The following RIMS1 variants were observed in gnomAD, a reference collection of about 807,000 sequenced individuals.
The protein encoded by RIMS1 is regulating synaptic membrane exocytosis 1.
A neutral mutation model predicts 214.1 loss-of-function variants in RIMS1; 83 were observed. That is an observed-to-expected ratio of 0.39 (90% confidence interval 0.32 to 0.47). The LOEUF (loss-of-function observed/expected upper bound fraction) is 0.47. RIMS1 is among the 20% of genes least tolerant of loss of function. The pLI, the probability that RIMS1 is intolerant of heterozygous loss-of-function variation, is 0.99. For missense variants in RIMS1, 2,050 were observed against 2,161.8 expected, an observed-to-expected ratio of 0.95 and a Z score of 1.03; for synonymous variants, 793 against 786.8, an observed-to-expected ratio of 1.01 and a Z score of -0.13.
intron 2 of RIMS1, among the ~76,000 whole-genome samples, chr6:72,051,236 G>A (rs1824567568): frequency 6.6e-6 from 1 of 152,054 alleles, no homozygotes; most frequent in South Asian, 2.1e-4. Context: ...ACTTGGCCCT[G>A]GAAATTTTAG....
chr6:72,105,879 A>T (rs2034639684), intron 4 of RIMS1, among the ~76,000 whole-genome samples: 2 of 152,176 alleles, frequency 1.3e-5, no homozygotes, highest in Admixed American at 1.3e-4. Context: ...CCTCAGGTCT[A>T]CTAGACTATG....
At chr6:72,147,256 T>G (rs2042881545) in intron 4 of RIMS1, among the ~76,000 whole-genome samples, 1 of 152,198 alleles carries the variant, frequency 6.6e-6, no homozygotes, top group Admixed American at 6.5e-5. Context: ...TAATTAGAGC[T>G]CTTCTAAATA....
chr6:72,312,154 G>C (rs903924168), intron 27 of RIMS1, among the ~76,000 whole-genome samples: 1 of 152,136 alleles, frequency 6.6e-6, no homozygotes, highest in Non-Finnish European at 1.5e-5. Flanking sequence ...TAGCAAGACA[G>C]TTCAAATTCA....
At chr6:72,069,087 G>C (rs1269601086) in intron 2 of RIMS1, among the ~76,000 whole-genome samples, 2 of 152,136 alleles carry the variant, frequency 1.3e-5, no homozygotes, top group Non-Finnish European at 2.9e-5. Context: ...GTACAGTGGA[G>C]GCTAACAATG....
At chr6:71,962,997 A>C (rs1355010273) in intron 1 of RIMS1, among the ~76,000 whole-genome samples, 1 of 152,134 alleles carries the variant, frequency 6.6e-6, no homozygotes, top group Non-Finnish European at 1.5e-5. Context: ...CTTTTATGTA[A>C]TATTTCGTGA....
Position 72,313,622 on chromosome 6 carries a change from C to T in RIMS1, c.4080C>T (p.Ser1360=), listed in dbSNP as rs779578670. ...GAACCAGCAGTGCCTCACGCCTCAG[C>T]AGCACAAGCTTTATGTCAGAGCAAT... ...ISRTSSASRL[S]STSFMSEQSE... The change falls in exon 28 of 34, where the codon AGC becomes AGT. Residue 1360 remains serine (S), a synonymous_variant. Transcript: ENST00000521978. The T allele has an allele frequency of 6.2e-7, 1 of 1,613,614 alleles. No individual in the cohort carries two copies. Among genetic ancestry groups the T allele is most frequent in the South Asian group, 1.1e-5 (1 of 90,996 alleles).
At chr6:72,391,434 T>C (rs113334883) in intron 30 of RIMS1, among the ~76,000 whole-genome samples, 1,768 of 151,952 alleles carry the variant, frequency 0.012, 37 homozygotes, top group African/African-American at 0.041. Flanking sequence ...TCTGGTAAAA[T>C]TGAATTTTTA....
chr6:72,305,632 A>G (rs1055683944), intron 26 of RIMS1, among the ~76,000 whole-genome samples: 2 of 152,078 alleles, frequency 1.3e-5, no homozygotes, highest in African/African-American at 4.8e-5. Context: ...TAACTGTCTC[A>G]GTTTCTAATT....
chr6:72,242,931 T>C (rs929642806), intron 10 of RIMS1, among the ~76,000 whole-genome samples: 1 of 151,862 alleles, frequency 6.6e-6, no homozygotes, highest in African/African-American at 2.4e-5. Context: ...GCAAGAAGTA[T>C]TAAATATTTT....
chr6:72,016,401 C>T (rs1190787753), intron 2 of RIMS1, among the ~76,000 whole-genome samples: 3 of 152,242 alleles, frequency 2.0e-5, no homozygotes, highest in East Asian at 3.9e-4. Flanking sequence ...ATTCCTTCTA[C>T]AAGCTACCTT....
intron 4 of RIMS1, among the ~76,000 whole-genome samples, chr6:72,136,845 T>C (rs2041366471): frequency 6.6e-6 from 1 of 152,064 alleles, no homozygotes; most frequent in Non-Finnish European, 1.5e-5. Flanking sequence ...GCTTTAAATA[T>C]AATACAGCCT....
At chr6:71,899,475 T>TAC (rs536718066) in intron 1 of RIMS1, among the ~76,000 whole-genome samples, 35 of 143,818 alleles carry the variant, frequency 2.4e-4, no homozygotes, top group African/African-American at 3.3e-4. Context: ...TGTATTTGTA[T>TAC]ACACACACAC....
intron 2 of RIMS1, among the ~76,000 whole-genome samples, chr6:72,069,363 A>G (rs560890029): frequency 1.3e-5 from 2 of 152,366 alleles, no homozygotes; most frequent in Admixed American, 1.3e-4. Context: ...AACAAACTGT[A>G]GCTCACTGTC....
intron 2 of RIMS1, among the ~76,000 whole-genome samples, chr6:72,052,188 T>C (rs1194472670): frequency 6.6e-6 from 1 of 152,216 alleles, no homozygotes; most frequent in Non-Finnish European, 1.5e-5. Context: ...GATGAGTGTG[T>C]AGTCCTCACA....
At position 72,329,600 on chromosome 6, in the gene RIMS1, A is replaced by T. The variant is rs372079489; in HGVS notation, c.4131-4000A>T. Among the ~76,000 whole-genome samples the T allele has an allele frequency of 7.2e-5, 11 of 151,742 alleles. No homozygotes were observed. The South Asian group carries it at 8.3e-4, about 11-fold the overall frequency. On this transcript the variant is annotated intron_variant, in intron 28 of 33. Coordinates refer to ENST00000521978, the MANE Select transcript of RIMS1 (RefSeq NM_014989.7). ...ATAAAATGTTTGGACTACAATTATA[A>T]GAGTAAATACTAAGTCAAAATTTTA...
chr6:72,290,598 G>A, intron 24 of RIMS1, 81 bp from the exon 25 acceptor site: 2 of 1,253,368 alleles, frequency 1.6e-6, no homozygotes, highest in East Asian at 5.0e-5. Flanking sequence ...GAGTAACCAG[G>A]TTTTCCTTGG....
intron 4 of RIMS1, among the ~76,000 whole-genome samples, chr6:72,171,358 G>GTA (rs746678041): frequency 4.5e-4 from 67 of 148,706 alleles, no homozygotes; most frequent in East Asian, 1.4e-3. Context: ...GTGTGTGTGT[G>GTA]TATATATATA....
chr6:72,030,093 T>TA (rs1402892108), intron 2 of RIMS1, among the ~76,000 whole-genome samples: 1 of 152,166 alleles, frequency 6.6e-6, no homozygotes, highest in Non-Finnish European at 1.5e-5. Flanking sequence ...ATGTCATAGA[T>TA]ATGAATGTTC....
In RIMS1 at chr6:72,006,777, AGG is replaced by A. The variant is rs1807834849; in HGVS notation, c.245+37717_245+37718del. On this transcript the variant is annotated intron_variant, in intron 2 of 33. Transcript: ENST00000521978. ...TGCAAGGCAGCAGTGAGGCTGGGGG[AGG>A]GGCGCCTGCCATTGCTGAGGTTTGA... Among the ~76,000 whole-genome samples the A allele has an allele frequency of 3.9e-5, 6 of 152,056 alleles. No homozygotes were observed. In the South Asian group the frequency reaches 1.3e-3, roughly 32 times the overall value.
Sources: allele counts gnomAD v4.1 joint callset (sites outside exome capture counted in the v4.1 genomes callset), GRCh38; gene constraint gnomAD v4.1.1; transcripts MANE v1.5; gene names NCBI Gene and HGNC (gene_info 2026-07-23, HGNC 2026-07-21).